The following SCFD2 variants were observed in gnomAD, a reference collection of about 807,000 sequenced individuals.
SCFD2 encodes sec1 family domain containing 2, also known as sec1 family domain-containing protein 2.
Under a neutral mutation model 58.9 loss-of-function variants are expected in SCFD2, and 54 were observed. The ratio of observed to expected loss-of-function variants is 0.92; its 90% CI spans 0.74 to 1.15. The LOEUF is 1.15. Among genes scored for constraint, SCFD2 ranks in the 50% most tolerant of loss-of-function variants. The pLI is 0.00. For missense variants in SCFD2, 805 were observed against 836.6 expected, an observed-to-expected ratio of 0.96 and a Z score of 0.47; for synonymous variants, 321 against 335.9, an observed-to-expected ratio of 0.96 and a Z score of 0.49.
chr4:52,965,096 C>G (rs1720932274), intron 5 of SCFD2, among the ~76,000 whole-genome samples: 1 of 152,104 alleles, frequency 6.6e-6, no homozygotes, highest in Non-Finnish European at 1.5e-5. Context: ...TGAACACCGT[C>G]TACATGCCGT....
intron 5 of SCFD2, among the ~76,000 whole-genome samples, chr4:53,009,480 G>A (rs1426243297): frequency 6.6e-6 from 1 of 152,184 alleles, no homozygotes; most frequent in African/African-American, 2.4e-5. Flanking sequence ...AACTTACTTG[G>A]CTAAAGAATA....
intron 5 of SCFD2, among the ~76,000 whole-genome samples, chr4:53,136,982 C>T (rs1026020743): frequency 2.0e-5 from 3 of 152,212 alleles, no homozygotes; most frequent in South Asian, 4.1e-4. Flanking sequence ...AAACACTGGG[C>T]ATCACTCCAA....
intron 3 of SCFD2, among the ~76,000 whole-genome samples, chr4:53,302,495 G>T (rs1283261243): frequency 6.6e-6 from 1 of 152,112 alleles, no homozygotes; most frequent in Non-Finnish European, 1.5e-5. Context: ...TGGGTAGGAA[G>T]AATCAATATC....
In SCFD2 at chr4:53,177,864, C is replaced by A. The variant is rs543312587; in HGVS notation, c.1312-32282G>T. 9.7e-4 allele frequency among the ~76,000 whole-genome samples: 147 copies of A among 152,318 alleles called. 1 individual carries two copies. Among genetic ancestry groups the A allele is most frequent in the Middle Eastern group, 3.4e-3 (1 of 294 alleles). On this transcript the variant is annotated intron_variant, in intron 4 of 8. Transcript: ENST00000401642. ...CACACCAGGAGATTATATCCTGCAC[C>A]TGGCTCAGAGGGTCCTACGCCCACA...
chr4:53,133,507 G>A (rs1258667526), intron 5 of SCFD2, among the ~76,000 whole-genome samples: 2 of 152,132 alleles, frequency 1.3e-5, no homozygotes, highest in Non-Finnish European at 2.9e-5. Context: ...TAATGGAGAT[G>A]AAAGCTTTTA....
At chr4:52,928,623 C>T (rs1382481519) in intron 5 of SCFD2, among the ~76,000 whole-genome samples, 2 of 152,170 alleles carry the variant, frequency 1.3e-5, no homozygotes, top group Non-Finnish European at 2.9e-5. Flanking sequence ...ATGCTGATCC[C>T]ATGACTGTTG....
chr4:52,924,738 C>T (rs573336178), intron 5 of SCFD2, among the ~76,000 whole-genome samples: 1 of 152,238 alleles, frequency 6.6e-6, no homozygotes, highest in African/African-American at 2.4e-5. Context: ...CACACACACC[C>T]TTTAGAAATA....
chr4:52,991,743 GTGTAGC>G lies in SCFD2; in HGVS notation c.1562-70879_1562-70874del, dbSNP rs112857308. Among the ~76,000 whole-genome samples, 476 of 152,150 alleles carry G rather than the reference GTGTAGC, an allele frequency of 3.1e-3. 5 individuals are homozygous for G. The highest frequency in any genetic ancestry group is 0.011 in the African/African-American group (452 of 41,426). ...AAGAGTATTGGTTCTGAAACTGGGGGTGTAGCTGTAGCTGTAGCTGTAGCTGTGGAA... is the reference window on the plus strand; with the variant it reads ...AAGAGTATTGGTTCTGAAACTGGGGGTGTAGCTGTAGCTGTAGCTGTGGAA... On this transcript the variant is annotated intron_variant, in intron 5 of 8. Coordinates refer to ENST00000401642, the MANE Select transcript of SCFD2 (RefSeq NM_152540.4).
At chr4:53,234,122 T>C (rs1241950721) in intron 4 of SCFD2, among the ~76,000 whole-genome samples, 2 of 152,164 alleles carry the variant, frequency 1.3e-5, no homozygotes, top group Admixed American at 6.5e-5. Context: ...ATGGCACAAG[T>C]AGTAGTAATG....
At chr4:52,924,938 CA>C (rs1719828405) in intron 5 of SCFD2, among the ~76,000 whole-genome samples, 1 of 152,074 alleles carries the variant, frequency 6.6e-6, no homozygotes, top group African/African-American at 2.4e-5. Context: ...AATATGGATA[CA>C]AAAGCTGTTA....
chr4:52,967,303 T>A (rs1720984474), intron 5 of SCFD2, among the ~76,000 whole-genome samples: 1 of 152,170 alleles, frequency 6.6e-6, no homozygotes, highest in Non-Finnish European at 1.5e-5. Flanking sequence ...TTGCCTCTAG[T>A]TCTGGGACCT....
chr4:53,206,783 C>T (rs1428541132), intron 4 of SCFD2, among the ~76,000 whole-genome samples: 2 of 152,000 alleles, frequency 1.3e-5, no homozygotes, highest in African/African-American at 4.8e-5. Context: ...TTTTACCATC[C>T]TACACTACTG....
chr4:53,057,375 G>A (rs1427675810), intron 5 of SCFD2, among the ~76,000 whole-genome samples: 2 of 152,104 alleles, frequency 1.3e-5, no homozygotes, highest in Non-Finnish European at 2.9e-5. Flanking sequence ...AAGGTGGAAA[G>A]GGATAAATAT....
intron 4 of SCFD2, among the ~76,000 whole-genome samples, chr4:53,189,815 G>T (rs1727842137): frequency 6.6e-6 from 1 of 152,160 alleles, no homozygotes; most frequent in African/African-American, 2.4e-5. Context: ...CTGTGTGACT[G>T]TCATTGTACT....
At chr4:52,966,598 A>C (rs995995418) in intron 5 of SCFD2, among the ~76,000 whole-genome samples, 7 of 152,186 alleles carry the variant, frequency 4.6e-5, no homozygotes, top group Non-Finnish European at 5.9e-5. Context: ...TTCTGCATCT[A>C]GTTTTTAAAA....
At position 52,920,770 on chromosome 4, in the gene SCFD2, C is replaced by G; in HGVS notation, c.1662G>C (p.Leu554=). The change falls in exon 6 of 9, where the codon CTG becomes CTC. Residue 554 remains leucine, a synonymous_variant. Coordinates refer to ENST00000401642, the MANE Select transcript of SCFD2 (RefSeq NM_152540.4). ...LRDIAGARSL[L]KQFKSVYVPG... ...GAACATATACAGACTTAAACTGTTT[C>G]AGGAGACTCCGAGCTCCAGCAATAT... 1 of 1,611,240 alleles carries G rather than the reference C, an allele frequency of 6.2e-7. No homozygotes were observed. Among genetic ancestry groups the G allele is most frequent in the East Asian group, 2.2e-5 (1 of 44,682 alleles).
intron 5 of SCFD2, among the ~76,000 whole-genome samples, chr4:53,128,876 A>G (rs564678281): frequency 1.3e-5 from 2 of 152,310 alleles, no homozygotes; most frequent in African/African-American, 4.8e-5. Flanking sequence ...CATTTTAACT[A>G]TGAAGAAAAC....
intron 5 of SCFD2, among the ~76,000 whole-genome samples, chr4:52,953,228 A>G (rs1720640455): frequency 6.6e-6 from 1 of 152,210 alleles, no homozygotes; most frequent in East Asian, 1.9e-4. Flanking sequence ...AAACACTCTA[A>G]AAGCAGCCAT....
intron 6 of SCFD2, among the ~76,000 whole-genome samples, chr4:52,919,572 A>G (rs1304463637): frequency 1.3e-5 from 2 of 152,216 alleles, no homozygotes; most frequent in Non-Finnish European, 2.9e-5. Context: ...TAGAATCTCT[A>G]TGAGAACCAT....
Sources: allele counts gnomAD v4.1 joint callset (sites outside exome capture counted in the v4.1 genomes callset), GRCh38; gene constraint gnomAD v4.1.1; transcripts MANE v1.5; gene names NCBI Gene and HGNC (gene_info 2026-07-23, HGNC 2026-07-21).